The following MAP4K3 variants were observed in gnomAD, a reference collection of about 807,000 sequenced individuals.
MAP4K3 encodes the protein mitogen-activated protein kinase kinase kinase kinase 3, also known as MAPK/ERK kinase kinase kinase 3.
MAP4K3 carries 94 observed loss-of-function variants against 143.5 expected under a neutral mutation model. The observed-to-expected ratio is 0.65, with a 90% CI of 0.55 to 0.78. The LOEUF is 0.78. MAP4K3 is among the 30% of genes least tolerant of loss of function. The probability of loss-of-function intolerance (pLI) is 0.00; values close to 1 mark genes in which losing one functional copy is unlikely to be tolerated. For missense variants in MAP4K3, 1,077 were observed against 1,068.1 expected (o/e 1.01, Z -0.12); for synonymous variants, 416 against 347.2 (o/e 1.20, Z -2.20).
In MAP4K3 at chr2:39,290,338, A is replaced by C. The variant is rs1265331522; in HGVS notation, c.1272-4T>G. 3 of 1,599,656 alleles carry C rather than the reference A, an allele frequency of 1.9e-6. No individual in the cohort carries two copies. The highest frequency in any genetic ancestry group is 2.7e-5 in the African/African-American group (2 of 74,264). On this transcript the variant is annotated splice_polypyrimidine_tract_variant and splice_region_variant and intron_variant, in intron 18 of 33. Coordinates refer to ENST00000263881, the MANE Select transcript of MAP4K3 (RefSeq NM_003618.4). ...AATTTTTGCTTTCAGAGTTGAGCTA[A>C]AAACAGAAAAGTTTAGAATCAGAAC...
At chr2:39,425,042 G>A (rs1343659618) in intron 1 of MAP4K3, among the ~76,000 whole-genome samples, 3 of 152,114 alleles carry the variant, frequency 2.0e-5, no homozygotes, top group Non-Finnish European at 2.9e-5. Context: ...AAAGACTCAT[G>A]AGGTTACTGG....
chr2:39,268,352 G>A (rs1348305452), intron 26 of MAP4K3, among the ~76,000 whole-genome samples: 5 of 151,906 alleles, frequency 3.3e-5, no homozygotes, highest in African/African-American at 7.2e-5. Flanking sequence ...ACAAGGTCTC[G>A]CTCTGTCGCC....
At chr2:39,349,948 G>A (rs1209345402) in intron 3 of MAP4K3, among the ~76,000 whole-genome samples, 1 of 152,110 alleles carries the variant, frequency 6.6e-6, no homozygotes, top group African/African-American at 2.4e-5. Context: ...CTTCACCAAA[G>A]TTTTTTTGCT....
At chr2:39,363,442 T>A (rs185312968) in intron 2 of MAP4K3, among the ~76,000 whole-genome samples, 1 of 152,118 alleles carries the variant, frequency 6.6e-6, no homozygotes, top group East Asian at 1.9e-4. Flanking sequence ...CCGAGGTGGG[T>A]GGATCACCTG....
At chr2:39,271,978 TC>T (rs1433608582) in intron 26 of MAP4K3, 17 of 208,212 alleles carry the variant, frequency 8.2e-5, no homozygotes, top group South Asian at 2.3e-4. Context: ...AACACATATG[TC>T]AAAAGCAAAG....
intron 12 of MAP4K3, among the ~76,000 whole-genome samples, chr2:39,325,166 T>C (rs924685365): frequency 1.3e-5 from 2 of 152,136 alleles, no homozygotes; most frequent in Non-Finnish European, 2.9e-5. Flanking sequence ...AATATTCAAA[T>C]GTCTTGTTTA....
chr2:39,409,513 G>T (rs1317743879), intron 1 of MAP4K3, among the ~76,000 whole-genome samples: 1 of 152,256 alleles, frequency 6.6e-6, no homozygotes, highest in South Asian at 2.1e-4. Flanking sequence ...AGAATCATTT[G>T]AACCCAGAAG....
At chr2:39,267,384 T>A in intron 26 of MAP4K3, 137 bp from the exon 27 acceptor site, 1 of 671,594 alleles carries the variant, frequency 1.5e-6, no homozygotes, top group Non-Finnish European at 2.6e-6. Flanking sequence ...AAAATTAGAA[T>A]AAAAAGGCCG....
chr2:39,278,642 C>A (rs1056515988), intron 23 of MAP4K3, among the ~76,000 whole-genome samples, 156 bp from the exon 24 acceptor site: 1 of 152,090 alleles, frequency 6.6e-6, no homozygotes, highest in Admixed American at 6.6e-5. Context: ...ACACTTTAGA[C>A]CCATAAACTG....
chr2:39,387,542 A>C (rs1005137332), intron 1 of MAP4K3, among the ~76,000 whole-genome samples: 4 of 152,276 alleles, frequency 2.6e-5, no homozygotes, highest in African/African-American at 9.6e-5. Context: ...AAATACTGAG[A>C]AATAGCACCA....
chr2:39,324,634 T>C (rs1489079394), intron 12 of MAP4K3, among the ~76,000 whole-genome samples: 1 of 152,128 alleles, frequency 6.6e-6, no homozygotes, highest in African/African-American at 2.4e-5. Context: ...ACACTTCACC[T>C]TCAGTCATTA....
At chr2:39,324,987 T>C (rs1004395414) in intron 12 of MAP4K3, among the ~76,000 whole-genome samples, 1 of 152,198 alleles carries the variant, frequency 6.6e-6, no homozygotes, top group Non-Finnish European at 1.5e-5. Context: ...TATAAGAATT[T>C]TTTTTTAAAG....
At chr2:39,278,840 G>A (rs937733966) in intron 23 of MAP4K3, among the ~76,000 whole-genome samples, 7 of 151,954 alleles carry the variant, frequency 4.6e-5, no homozygotes, top group African/African-American at 1.7e-4. Context: ...ATATAAAATC[G>A]AGAGTGGCTG....
intron 18 of MAP4K3, among the ~76,000 whole-genome samples, chr2:39,291,921 G>A (rs1682062406): frequency 6.6e-6 from 1 of 151,854 alleles, no homozygotes; most frequent in South Asian, 2.1e-4. Context: ...AAGCACAAAT[G>A]TCTCAGATGA....
Position 39,436,951 on chromosome 2 carries a change from G to T in MAP4K3, c.37C>A (p.Gln13Lys). Residue 13 changes from glutamine to lysine, a missense_variant, in exon 1 of 34, where the codon CAG becomes AAG. By Grantham distance (53) the Gln-to-Lys change is moderately conservative. This residue lies in a region of MAP4K3 where 213 missense variants were observed against 266.8 expected (regional missense o/e 0.80). Coordinates refer to ENST00000263881, the MANE Select transcript of MAP4K3 (RefSeq NM_003618.4). ...CGCTGAATCAGCTCGAAGTCCTCCT[G>T]CGGGTTCCGGCGGGACAAATCGAAG... ...PGFDLSRRNP[Q>K]EDFELIQRIG... 6.2e-7 allele frequency: 1 copy of T among 1,612,662 alleles called. No individual in the cohort carries two copies. Among genetic ancestry groups the T allele is most frequent in the Non-Finnish European group, 8.5e-7 (1 of 1,179,404 alleles).
intron 15 of MAP4K3, chr2:39,303,213 T>A (rs1424439329): frequency 6.0e-6 from 1 of 166,870 alleles, no homozygotes; most frequent in Non-Finnish European, 1.5e-5. Context: ...GAGAAAATTA[T>A]GGCACAAATA....
intron 3 of MAP4K3, among the ~76,000 whole-genome samples, chr2:39,345,261 T>C (rs958257017): frequency 7.4e-6 from 1 of 135,492 alleles, no homozygotes; most frequent in Non-Finnish European, 1.5e-5. Context: ...ACCTGTAGTC[T>C]CACCTACTCA....
chr2:39,266,330 A>C (rs1381024965), intron 27 of MAP4K3, among the ~76,000 whole-genome samples: 1 of 152,056 alleles, frequency 6.6e-6, no homozygotes, highest in Non-Finnish European at 1.5e-5. Flanking sequence ...CTTCCCTGCT[A>C]TTTGCACTGC....
At chr2:39,321,170 A>G (rs1005144881) in intron 12 of MAP4K3, among the ~76,000 whole-genome samples, 2 of 152,168 alleles carry the variant, frequency 1.3e-5, no homozygotes, top group African/African-American at 4.8e-5. Context: ...TGGGGAAAAG[A>G]AAGAGAGATC....
Sources: allele counts gnomAD v4.1 joint callset (sites outside exome capture counted in the v4.1 genomes callset), GRCh38; gene constraint gnomAD v4.1.1; regional missense constraint gnomAD v4.1.1; transcripts MANE v1.5; gene names NCBI Gene and HGNC (gene_info 2026-07-23, HGNC 2026-07-21).